SMIM21: variants seen among roughly 807,000 people sequenced by gnomAD.
SMIM21 encodes the protein chromosome 18 open reading frame 62.
Under a neutral mutation model 8.6 loss-of-function variants are expected in SMIM21, and 8 were observed. The observed-to-expected ratio is 0.93, with a 90% CI of 0.55 to 1.68. SMIM21 has a LOEUF of 1.68. SMIM21 is among the 40% of genes most tolerant of loss of function. The pLI, the probability that SMIM21 is intolerant of heterozygous loss-of-function variation, is 0.00. For missense variants in SMIM21, 132 were observed against 123.0 expected (o/e 1.07, Z -0.35); for synonymous variants, 43 against 41.7 (o/e 1.03, Z -0.12).
Position 75,410,935 on chromosome 18 carries a change from G to A in SMIM21, c.261-26C>T, listed in dbSNP as rs1300752215. The A allele has an allele frequency of 3.1e-6, 5 of 1,613,046 alleles. No homozygotes were observed. The South Asian group carries it at 4.4e-5, about 14-fold the overall frequency. On this transcript the variant is annotated intron_variant, in intron 2 of 2. Coordinates refer to ENST00000579022, the MANE Select transcript of SMIM21 (RefSeq NM_001037331.3). ...CTGCAAGAGACAAAAGGGGGAAAAA[G>A]CATTTTATTTTTTTGATAGATATAA...
At chr18:75,416,708 T>C (rs568248098) in intron 2 of SMIM21, 4 of 152,338 alleles carry the variant, frequency 2.6e-5, no homozygotes, top group African/African-American at 9.6e-5. Context: ...GTTGTTCTCA[T>C]TCAACATATT....
At position 75,409,659 on chromosome 18, in the gene SMIM21, CTG is replaced by C. The variant is rs10643353; in HGVS notation, c.*1203_*1204del. The C allele has an allele frequency of 1.9e-3, 281 of 149,762 alleles. No individual in the cohort carries two copies. The highest frequency in any genetic ancestry group is 3.1e-3 in the Non-Finnish European group (210 of 67,398). The allele number at this position is 149,762 out of a possible 1,614,324, so 9.3% of individuals were successfully genotyped here. A position where few individuals can be genotyped will look rare whatever the true frequency, so the allele number is the denominator to read the frequency against. On this transcript the variant is annotated 3_prime_UTR_variant, in exon 3 of 3. Coordinates refer to ENST00000579022, the MANE Select transcript of SMIM21 (RefSeq NM_001037331.3). Reference sequence around the variant, plus strand: ...GACTGTTCCATCGGTGACAAGAACTCTGTGTGTGTGTGTGTGTGTGTATGTGT... The same window carrying C: ...GACTGTTCCATCGGTGACAAGAACTCTGTGTGTGTGTGTGTGTGTATGTGT...
Position 75,419,960 on chromosome 18 carries a change from G to A in SMIM21, c.130-1044C>T, listed in dbSNP as rs148949187. 2.7e-4 allele frequency among the ~76,000 whole-genome samples: 41 copies of A among 152,258 alleles called. No homozygotes were observed. In the East Asian group the frequency reaches 6.8e-3, roughly 25 times the overall value. ...CAGTATTACCTGCTGTTAACTAGAT[G>A]AAGCAAAAGTTGTTTTAATTAGGTT... is the stretch of plus-strand genomic sequence containing the variant. On this transcript the variant is annotated intron_variant, in intron 1 of 2. Coordinates refer to ENST00000579022, the MANE Select transcript of SMIM21 (RefSeq NM_001037331.3).
chr18:75,423,568 A>G (rs999552176), intron 1 of SMIM21, among the ~76,000 whole-genome samples: 4 of 152,238 alleles, frequency 2.6e-5, no homozygotes, highest in African/African-American at 7.2e-5. Context: ...ATGTAGCACA[A>G]AGAGATTTGG....
chr18:75,412,054 G>A lies in SMIM21; in HGVS notation c.261-1145C>T, dbSNP rs578167992. 5.3e-5 allele frequency among the ~76,000 whole-genome samples: 8 copies of A among 152,282 alleles called. No homozygotes were observed. In the South Asian group the frequency reaches 1.7e-3, roughly 32 times the overall value. ...CTTGTTCTGCTGCTACACACTGAGGGACTAGTTCTTGGCATAGAACATGGA... is the reference window on the plus strand; with the variant it reads ...CTTGTTCTGCTGCTACACACTGAGGAACTAGTTCTTGGCATAGAACATGGA... On this transcript the variant is annotated intron_variant, in intron 2 of 2. Coordinates refer to ENST00000579022, the MANE Select transcript of SMIM21 (RefSeq NM_001037331.3).
chr18:75,423,069 T>G (rs2024726315), intron 1 of SMIM21, among the ~76,000 whole-genome samples: 1 of 152,362 alleles, frequency 6.6e-6, no homozygotes, highest in African/African-American at 2.4e-5. Context: ...AGTTTCACTG[T>G]GAGATCAGAT....
intron 1 of SMIM21, 43 bp downstream of exon 1, chr18:75,427,392 T>A: frequency 6.3e-7 from 1 of 1,598,812 alleles, no homozygotes; most frequent in Non-Finnish European, 8.5e-7. Context: ...TGTGCAGTGA[T>A]ACGTCTCTCT....
chr18:75,414,904 G>T (rs921682150), intron 2 of SMIM21, among the ~76,000 whole-genome samples: 4 of 152,144 alleles, frequency 2.6e-5, no homozygotes. Context: ...CTTGGTTTTT[G>T]AATTCTGAGA....
rs1436725663 is a variant in SMIM21 at position 75,409,553 on chromosome 18, C to A, written c.*1311G>T. 2.0e-5 allele frequency: 3 copies of A among 152,192 alleles called. No homozygotes were observed. Among genetic ancestry groups the A allele is most frequent in the Non-Finnish European group, 4.4e-5 (3 of 68,044 alleles). 9.4% of individuals were successfully genotyped at this position (152,192 alleles called of 1,614,324 possible). On this transcript the variant is annotated 3_prime_UTR_variant, in exon 3 of 3. Transcript: ENST00000579022. The stretch of plus-strand genomic sequence containing the variant: ...GGTTTCTTTGTGAACACCATCCATT[C>A]ATTGTTGACCTCACTGGGTTCACGT...
chr18:75,426,631 TAAAAAAAAAAAAAAAAAAAAAAAAAA>T (rs777676195), intron 1 of SMIM21, among the ~76,000 whole-genome samples: 3 of 89,256 alleles, frequency 3.4e-5, no homozygotes, highest in Admixed American at 1.4e-4. Flanking sequence ...TTTTAAAATG[TAAAAAAAAAAAAAAAAAAAAAAAAAA>T]AAAAAAAAAA....
At chr18:75,421,501 G>T (rs1177057648) in intron 1 of SMIM21, among the ~76,000 whole-genome samples, 1 of 151,938 alleles carries the variant, frequency 6.6e-6, no homozygotes, top group Non-Finnish European at 1.5e-5. Flanking sequence ...GGGAGCTGAG[G>T]AGGTGGTGTG....
chr18:75,420,927 A>G (rs1332256101), intron 1 of SMIM21, among the ~76,000 whole-genome samples: 1 of 152,158 alleles, frequency 6.6e-6, no homozygotes, highest in Non-Finnish European at 1.5e-5. Flanking sequence ...CAGTAGTGAG[A>G]GAGTAGTACT....
chr18:75,425,118 C>G (rs1008797603), intron 1 of SMIM21, among the ~76,000 whole-genome samples: 7 of 152,186 alleles, frequency 4.6e-5, no homozygotes, highest in Admixed American at 3.9e-4. Flanking sequence ...TCCAGTGGAA[C>G]AGGCTGTCTG....
chr18:75,425,869 G>T (rs1388029364), intron 1 of SMIM21, among the ~76,000 whole-genome samples: 2 of 152,160 alleles, frequency 1.3e-5, no homozygotes, highest in Non-Finnish European at 2.9e-5. Flanking sequence ...GAGGGGACAG[G>T]GACAGTCTCT....
chr18:75,418,763 T>G (rs1352949698), intron 2 of SMIM21, 23 bp downstream of exon 2: 1 of 1,589,004 alleles, frequency 6.3e-7, no homozygotes, highest in Admixed American at 1.8e-5. Flanking sequence ...TTTTTTTAAC[T>G]GCTAAGGTTA....
chr18:75,413,534 A>G (rs573579377), intron 2 of SMIM21, among the ~76,000 whole-genome samples: 1 of 152,298 alleles, frequency 6.6e-6, no homozygotes, highest in South Asian at 2.1e-4. Flanking sequence ...AAACCCTTTA[A>G]TGATTCCCAT....
chr18:75,427,659 C>T lies in SMIM21; in HGVS notation c.-96G>A. ...CTATAAGACCTGGTAACTAAGTTCC[C>T]AAGGAGCTTTTCTCTTCTTTGCCAA... On this transcript the variant is annotated 5_prime_UTR_variant, in exon 1 of 3. Transcript: ENST00000579022. The T allele has an allele frequency of 1.5e-6, 2 of 1,337,834 alleles. No individual in the cohort carries two copies. The highest frequency in any genetic ancestry group is 2.0e-6 in the Non-Finnish European group (2 of 1,018,172). 82.9% of individuals were successfully genotyped at this position (1,337,834 alleles called of 1,614,324 possible).
At position 75,427,443 on chromosome 18, in the gene SMIM21, G is replaced by T; in HGVS notation, c.121C>A (p.Leu41Ile). The T allele has an allele frequency of 6.2e-7, 1 of 1,613,894 alleles. No homozygotes were observed. Among genetic ancestry groups the T allele is most frequent in the South Asian group, 1.1e-5 (1 of 90,998 alleles). The part of the protein sequence containing the change: ...FKGNLLQKKA[L>I]TTFENEHHIR... ...AAGACCCATAAACTCACTGTGGTAA[G>T]TGCTTTCTTCTGCAGCAAATTCCCC... Residue 41 changes from leucine (L) to isoleucine (I), a missense_variant, in exon 1 of 3, where the codon CTT becomes ATT. Physicochemically the swap from Leu to Ile is conservative, Grantham distance 5. Transcript: ENST00000579022.
In SMIM21 at chr18:75,410,633, G is replaced by C; in HGVS notation, c.*231C>G. ...TTCGCAGGGTTGGGTGGCATCTGCAGCTCTCCTCCGGAATATTCCTGAACA... is the reference window on the plus strand; with the variant it reads ...TTCGCAGGGTTGGGTGGCATCTGCACCTCTCCTCCGGAATATTCCTGAACA... On this transcript the variant is annotated 3_prime_UTR_variant, in exon 3 of 3. Coordinates refer to ENST00000579022, the MANE Select transcript of SMIM21 (RefSeq NM_001037331.3). 8.2e-7 allele frequency: 1 copy of C among 1,216,068 alleles called. No individual in the cohort carries two copies. 75.3% of individuals were successfully genotyped at this position (1,216,068 alleles called of 1,614,324 possible).
Sources: allele counts gnomAD v4.1 joint callset (sites outside exome capture counted in the v4.1 genomes callset), GRCh38; gene constraint gnomAD v4.1.1; transcripts MANE v1.5; gene names NCBI Gene and HGNC (gene_info 2026-07-23, HGNC 2026-07-21).